Variants in CSMD2 observed in about 807,000 individuals in gnomAD.
The protein encoded by CSMD2 is CUB and Sushi multiple domains 2, also known as CUB and sushi domain-containing protein 2.
CSMD2 carries 130 observed loss-of-function variants against 398.5 expected under a neutral mutation model. The ratio of observed to expected loss-of-function variants is 0.33; its 90% CI spans 0.28 to 0.38. The LOEUF (loss-of-function observed/expected upper bound fraction) is 0.38. Among genes scored for constraint, CSMD2 ranks in the 10% least tolerant of loss-of-function variants. The pLI is 1.00. For synonymous variants in CSMD2, 1,828 were observed against 1,908.5 expected, an observed-to-expected ratio of 0.96 and a Z score of 1.10; for missense variants, 3,829 against 4,764.9, an observed-to-expected ratio of 0.80 and a Z score of 5.78.
intron 5 of CSMD2, among the ~76,000 whole-genome samples, chr1:33,880,370 T>C (rs774914739): frequency 6.6e-6 from 1 of 151,770 alleles, no homozygotes; most frequent in Non-Finnish European, 1.5e-5. Flanking sequence ...GATCTTTTAA[T>C]ACATTCAAAC....
chr1:34,135,242 T>TCTCACACACA (rs373209118), intron 1 of CSMD2, among the ~76,000 whole-genome samples: 6 of 135,490 alleles, frequency 4.4e-5, no homozygotes, highest in Non-Finnish European at 8.2e-5. Flanking sequence ...CATGTTGAAA[T>TCTCACACACA]CACACACACA....
intron 1 of CSMD2, among the ~76,000 whole-genome samples, chr1:34,090,204 AG>A (rs1658395878): frequency 6.6e-6 from 1 of 152,126 alleles, no homozygotes; most frequent in Admixed American, 6.5e-5. Context: ...TCTCAAATGG[AG>A]ATTCAGATCG....
chr1:33,990,501 T>C (rs1646514354), intron 3 of CSMD2, among the ~76,000 whole-genome samples: 1 of 152,074 alleles, frequency 6.6e-6, no homozygotes, highest in Non-Finnish European at 1.5e-5. Context: ...CCCCACACTT[T>C]CTGCACGTGG....
intron 5 of CSMD2, among the ~76,000 whole-genome samples, chr1:33,908,132 A>G (rs1643228846): frequency 6.6e-6 from 1 of 151,960 alleles, no homozygotes; most frequent in South Asian, 2.1e-4. Flanking sequence ...AAAAAAGTAC[A>G]GACTAAGGGA....
chr1:33,783,358 A>G (rs1653039178), intron 12 of CSMD2, among the ~76,000 whole-genome samples: 1 of 151,800 alleles, frequency 6.6e-6, no homozygotes. Context: ...AGGTTAAATG[A>G]GGTCATAAGG....
At chr1:33,578,256 T>C (rs1261257377) in intron 48 of CSMD2, among the ~76,000 whole-genome samples, 2 of 152,218 alleles carry the variant, frequency 1.3e-5, no homozygotes, top group African/African-American at 4.8e-5. Context: ...CCAGATATTG[T>C]TCTAAGTGCT....
chr1:34,162,348 T>C (rs771122), intron 1 of CSMD2, among the ~76,000 whole-genome samples: 123,985 of 151,622 alleles, frequency 0.82, 50,948 homozygotes, highest in South Asian at 0.85. Flanking sequence ...TTTTTCAAAC[T>C]ATTTTATTCA....
chr1:33,680,529 C>T (rs1469161556), intron 25 of CSMD2, among the ~76,000 whole-genome samples: 1 of 152,178 alleles, frequency 6.6e-6, no homozygotes, highest in Non-Finnish European at 1.5e-5. Flanking sequence ...GCACTCCGCC[C>T]AGGCACCTGA....
At chr1:34,162,313 G>A (rs1641417525) in intron 1 of CSMD2, among the ~76,000 whole-genome samples, 1 of 152,034 alleles carries the variant, frequency 6.6e-6, no homozygotes. Context: ...AGGGGAGAAG[G>A]TATGGGTGGG....
At chr1:33,799,575 T>G (rs1442944652) in intron 10 of CSMD2, among the ~76,000 whole-genome samples, 1 of 152,248 alleles carries the variant, frequency 6.6e-6, no homozygotes, top group Non-Finnish European at 1.5e-5. Flanking sequence ...GTATGTATCT[T>G]GCCAATCTCA....
At chr1:33,711,517 C>T (rs897861288) in intron 21 of CSMD2, among the ~76,000 whole-genome samples, 2 of 152,198 alleles carry the variant, frequency 1.3e-5, no homozygotes, top group African/African-American at 4.8e-5. Context: ...AGCCTCTCCA[C>T]CAATGTCCCA....
chr1:33,779,971 G>A (rs749653243), intron 12 of CSMD2, among the ~76,000 whole-genome samples: 19 of 152,180 alleles, frequency 1.2e-4, no homozygotes, highest in Admixed American at 2.6e-4. Flanking sequence ...GGACAACAGC[G>A]TAGAGTCTAG....
At chr1:33,618,015 A>AAGACAGAGAGACAG (rs55849998) in intron 37 of CSMD2, among the ~76,000 whole-genome samples, 86,344 of 147,914 alleles carry the variant, frequency 0.58, 24,846 homozygotes, top group Admixed American at 0.63. Flanking sequence ...CCTGTGGGCT[A>AAGACAGAGAGACAG]AGACAGAGAG....
intron 13 of CSMD2, among the ~76,000 whole-genome samples, chr1:33,770,070 A>G (rs1243501615): frequency 2.0e-5 from 3 of 152,228 alleles, no homozygotes; most frequent in South Asian, 2.1e-4. Context: ...TTGTCTCTCA[A>G]TCGAAGTATG....
chr1:33,989,864 G>A (rs1646489984), intron 3 of CSMD2, among the ~76,000 whole-genome samples: 1 of 152,140 alleles, frequency 6.6e-6, no homozygotes, highest in African/African-American at 2.4e-5. Flanking sequence ...CTAAGAACCG[G>A]CACAAAGAAA....
chr1:33,747,174 CA>C (rs765325558), intron 13 of CSMD2, among the ~76,000 whole-genome samples: 18 of 152,160 alleles, frequency 1.2e-4, no homozygotes, highest in Non-Finnish European at 2.2e-4. Flanking sequence ...TTGAGGTTAA[CA>C]AAAAGCATAA....
chr1:33,576,959 C>T (rs954346004), intron 49 of CSMD2, among the ~76,000 whole-genome samples: 3 of 152,124 alleles, frequency 2.0e-5, no homozygotes, highest in Admixed American at 1.3e-4. Flanking sequence ...CTCTATGAGC[C>T]GGAACCCAAG....
At chr1:33,952,334 A>C (rs114046106) in intron 3 of CSMD2, among the ~76,000 whole-genome samples, 2,795 of 152,328 alleles carry the variant, frequency 0.018, 104 homozygotes, top group African/African-American at 0.063. Flanking sequence ...TAAGAATAAC[A>C]GTAGTGATGG....
chr1:33,640,988 C>CAAA (rs1643073162), intron 29 of CSMD2, among the ~76,000 whole-genome samples: 2 of 152,086 alleles, frequency 1.3e-5, no homozygotes, highest in African/African-American at 2.4e-5. Flanking sequence ...TTGGTCTTTC[C>CAAA]TGTGTTCTTT....
Sources: gnomAD v4.1 joint callset for allele counts (sites outside exome capture counted in the v4.1 genomes callset) on GRCh38, gnomAD v4.1.1 for gene constraint, MANE v1.5 for transcripts, NCBI Gene and HGNC (gene_info 2026-07-23, HGNC 2026-07-21) for gene names.